Variants in NFIB observed in about 807,000 individuals in gnomAD.
NFIB encodes the protein nuclear factor I B.
NFIB carries 11 observed loss-of-function variants against 61.5 expected under a neutral mutation model. The ratio of observed to expected loss-of-function variants is 0.18; its 90% confidence interval spans 0.11 to 0.30. The LOEUF is 0.30. Ranked by LOEUF, NFIB falls within the 10% of genes least tolerant of loss-of-function variation. The pLI is 1.00. For synonymous variants in NFIB, 260 were observed against 216.5 expected (o/e 1.20, Z -1.76); for missense variants, 471 against 608.9 (o/e 0.77, Z 2.38).
intron 1 of NFIB, among the ~76,000 whole-genome samples, chr9:14,397,609 C>T (rs1468858640): frequency 6.6e-6 from 1 of 152,054 alleles, no homozygotes; most frequent in East Asian, 1.9e-4. Context: ...TTAAGAAAAC[C>T]ATCACATTCC....
Position 14,307,228 on chromosome 9 carries a change from T to A in NFIB, c.323A>T (p.Asn108Ile), listed in dbSNP as rs1406867522. Residue 108 changes from asparagine to isoleucine, a missense_variant, in exon 2 of 11, where the codon AAT becomes ATT. Asn to Ile is a moderately radical substitution (Grantham distance 149). Around this residue, in one of 2 missense-constraint regions of NFIB, gnomAD observed 99 missense variants for 213.3 expected, o/e 0.46. Transcript: ENST00000380953. This position sits in a 1 kb window ranked among gnomAD's most constrained non-coding sequence, Gnocchi z 5.3. ...CCTAATCTTACCCTTCTGGTCGGGA[T>A]TGGATAAGACACAGCACGGGTGCTT... ...GKKHPCCVLSNPDQKGKIRRI... is the reference protein window; with the variant it reads ...GKKHPCCVLSIPDQKGKIRRI... The A allele has an allele frequency of 1.2e-6, 2 of 1,613,882 alleles. No individual in the cohort carries two copies. Among genetic ancestry groups the A allele is most frequent in the Non-Finnish European group, 1.7e-6 (2 of 1,180,028 alleles).
chr9:14,353,525 G>A (rs1053099464), intron 1 of NFIB, among the ~76,000 whole-genome samples: 2 of 152,152 alleles, frequency 1.3e-5, no homozygotes, highest in East Asian at 1.9e-4. Context: ...GCTTTAAGGC[G>A]AATGAAGGGG....
chr9:14,481,197 GTATATATA>G, the NFIB span, among the ~76,000 whole-genome samples: 1,817 of 45,878 alleles, frequency 0.04, 198 homozygotes, highest in Middle Eastern at 0.21. Context: ...GTGTGTGTGT[GTATATATA>G]TATATATATA....
At chr9:14,466,716 T>G in the NFIB span, among the ~76,000 whole-genome samples, 1 of 152,198 alleles carries the variant, frequency 6.6e-6, no homozygotes, top group Non-Finnish European at 1.5e-5. Context: ...CTCCTCCCTC[T>G]CTATTCTTCT....
the NFIB span, among the ~76,000 whole-genome samples, chr9:14,506,536 T>G: frequency 6.6e-6 from 1 of 152,038 alleles, no homozygotes; most frequent in African/African-American, 2.4e-5. Flanking sequence ...CAATATAACA[T>G]GAAGCAAATA....
chr9:14,287,462 T>A (rs2132499134), intron 2 of NFIB, among the ~76,000 whole-genome samples: 1 of 151,792 alleles, frequency 6.6e-6, no homozygotes, highest in African/African-American at 2.4e-5. Flanking sequence ...CTGCTCTCGT[T>A]GCTCAGGCCG....
chr9:14,420,370 C>G, the NFIB span, among the ~76,000 whole-genome samples: 1 of 132,592 alleles, frequency 7.5e-6, no homozygotes, highest in Admixed American at 9.6e-5. Flanking sequence ...CACTTGAACC[C>G]GGGAGGTGGA....
At chr9:14,302,647 T>C (rs1234383038) in intron 2 of NFIB, among the ~76,000 whole-genome samples, 1 of 152,234 alleles carries the variant, frequency 6.6e-6, no homozygotes, top group Non-Finnish European at 1.5e-5. Context: ...CAACAGTTGC[T>C]ATCTCTTGAG....
intron 3 of NFIB, among the ~76,000 whole-genome samples, chr9:14,162,996 G>C (rs539636933): frequency 3.3e-5 from 5 of 151,950 alleles, no homozygotes; most frequent in South Asian, 2.1e-4. Flanking sequence ...CCTGGGGCAA[G>C]ACTATCACCA....
At chr9:14,338,648 C>T (rs1407088801) in intron 1 of NFIB, among the ~76,000 whole-genome samples, 1 of 152,144 alleles carries the variant, frequency 6.6e-6, no homozygotes, top group African/African-American at 2.4e-5. Flanking sequence ...ATATACCTAG[C>T]TCATCACCTC....
chr9:14,386,408 C>T (rs1216578671), intron 1 of NFIB, among the ~76,000 whole-genome samples: 4 of 152,204 alleles, frequency 2.6e-5, no homozygotes, highest in African/African-American at 9.6e-5. Flanking sequence ...CTTCGAAGGT[C>T]CTGTCTCCTG....
At chr9:14,345,513 A>G (rs906246270) in intron 1 of NFIB, among the ~76,000 whole-genome samples, 4 of 152,210 alleles carry the variant, frequency 2.6e-5, no homozygotes, top group Admixed American at 6.5e-5. Flanking sequence ...CGAAAGGTGC[A>G]GAGGAGTGGA....
At chr9:14,167,360 T>C (rs775766167) in intron 3 of NFIB, among the ~76,000 whole-genome samples, 3 of 152,022 alleles carry the variant, frequency 2.0e-5, no homozygotes, top group South Asian at 2.1e-4. Flanking sequence ...CTGGACAACA[T>C]AGCGAAACCC....
chr9:14,487,894 G>C, the NFIB span, among the ~76,000 whole-genome samples: 5 of 152,282 alleles, frequency 3.3e-5, no homozygotes. Flanking sequence ...AGGCACAGGA[G>C]GGCAGGGTTA....
chr9:14,373,677 TG>T (rs1475966159), intron 1 of NFIB, among the ~76,000 whole-genome samples: 1 of 147,732 alleles, frequency 6.8e-6, no homozygotes, highest in Non-Finnish European at 1.5e-5. Flanking sequence ...TGTGTGTGTG[TG>T]GTGTTTAGAA....
chr9:14,421,633 A>G, the NFIB span, among the ~76,000 whole-genome samples: 1 of 152,254 alleles, frequency 6.6e-6, no homozygotes, highest in Non-Finnish European at 1.5e-5. Context: ...ATTACTTGCT[A>G]CAAACCAATG....
the NFIB span, among the ~76,000 whole-genome samples, chr9:14,503,947 G>A: frequency 6.6e-6 from 1 of 152,110 alleles, no homozygotes; most frequent in Non-Finnish European, 1.5e-5. Flanking sequence ...GAATTTTTAT[G>A]GTTTCAGGTC....
intron 2 of NFIB, among the ~76,000 whole-genome samples, chr9:14,278,805 A>G (rs2058176707): frequency 6.6e-6 from 1 of 152,180 alleles, no homozygotes; most frequent in African/African-American, 2.4e-5. Flanking sequence ...AAAGCTAACC[A>G]TGTCACTTGT....
At chr9:14,361,343 A>C (rs1271461449) in intron 1 of NFIB, 2 of 152,140 alleles carry the variant, frequency 1.3e-5, no homozygotes, top group Admixed American at 6.5e-5. Context: ...CACTGGCATC[A>C]GTAAACTAAC....
Sources: allele counts gnomAD v4.1 joint callset (sites outside exome capture counted in the v4.1 genomes callset), GRCh38; gene constraint gnomAD v4.1.1; regional missense constraint gnomAD v4.1.1; non-coding constraint Gnocchi (gnomAD v3.1); transcripts MANE v1.5; gene names NCBI Gene and HGNC (gene_info 2026-07-23, HGNC 2026-07-21).